Variants in PLXNA2 observed in about 807,000 individuals in gnomAD.
PLXNA2 encodes the protein plexin A2, also known as plexin-A2.
PLXNA2 carries 91 observed loss-of-function variants against 193.5 expected under a neutral mutation model. The observed-to-expected ratio is 0.47, with a 90% confidence interval of 0.40 to 0.56. The LOEUF (loss-of-function observed/expected upper bound fraction) is 0.56. Ranked by LOEUF, PLXNA2 falls within the 20% of genes least tolerant of loss-of-function variation. The pLI is 0.00. For synonymous variants in PLXNA2, 997 were observed against 1,027.3 expected (o/e 0.97, Z 0.56); for missense variants, 1,995 against 2,503.2 (o/e 0.80, Z 4.33).
At chr1:208,199,354 T>C (rs375803229) in intron 3 of PLXNA2, among the ~76,000 whole-genome samples, 1 of 152,200 alleles carries the variant, frequency 6.6e-6, no homozygotes, top group East Asian at 1.9e-4. Context: ...AGGAAATGCC[T>C]GCATGCTAGA....
intron 15 of PLXNA2, 108 bp from the exon 16 acceptor site, chr1:208,051,531 G>A (rs2102335256): frequency 1.3e-6 from 1 of 778,918 alleles, no homozygotes. Context: ...CCACAGAAGT[G>A]TTCTCTCATC....
intron 1 of PLXNA2, among the ~76,000 whole-genome samples, chr1:208,227,258 C>CTAT (rs1432042861): frequency 6.6e-6 from 1 of 152,154 alleles, no homozygotes; most frequent in Non-Finnish European, 1.5e-5. Context: ...AGAGTAGCTA[C>CTAT]TATTATTATT....
intron 3 of PLXNA2, among the ~76,000 whole-genome samples, chr1:208,183,104 G>A (rs557979095): frequency 6.6e-5 from 10 of 152,206 alleles, no homozygotes; most frequent in African/African-American, 9.6e-5. Context: ...CCTTCGTCTA[G>A]GGGAGAGGTC....
intron 3 of PLXNA2, among the ~76,000 whole-genome samples, chr1:208,162,289 T>C (rs1249023303): frequency 1.3e-5 from 2 of 152,188 alleles, no homozygotes; most frequent in Non-Finnish European, 2.9e-5. Context: ...ACACTGACCA[T>C]CTGTTCTTCT....
intron 9 of PLXNA2, among the ~76,000 whole-genome samples, chr1:208,088,233 G>A (rs1017507724): frequency 6.6e-6 from 1 of 152,204 alleles, no homozygotes; most frequent in Non-Finnish European, 1.5e-5. Flanking sequence ...TGCAGGGAGA[G>A]CAGGGACCTG....
chr1:208,027,503 C>T (rs542924750), intron 31 of PLXNA2, among the ~76,000 whole-genome samples, 165 bp from the exon 32 acceptor site: 1 of 152,262 alleles, frequency 6.6e-6, no homozygotes, highest in East Asian at 1.9e-4. Flanking sequence ...TGCACACACA[C>T]CTATATATAT....
intron 13 of PLXNA2, among the ~76,000 whole-genome samples, chr1:208,055,235 C>A (rs1033718675): frequency 6.6e-6 from 1 of 152,144 alleles, no homozygotes; most frequent in South Asian, 2.1e-4. Flanking sequence ...GCGAAAGTCA[C>A]GTCTCACACT....
rs1664438625 is a variant in PLXNA2 at position 208,029,541 on chromosome 1, A to AGGGCT, written c.5226-504_5226-500dup. On this transcript the variant is annotated intron_variant, in intron 29 of 31. Coordinates refer to ENST00000367033, the MANE Select transcript of PLXNA2 (RefSeq NM_025179.4). ...AGCCCGGCTGCCCAAGCTACTTCCCAGGGCTGGCCTGGCCTGGCTGGGCCG... is the reference window on the plus strand; with the variant it reads ...AGCCCGGCTGCCCAAGCTACTTCCCAGGGCTGGGCTGGCCTGGCCTGGCTGGGCCG... The AGGGCT allele has an allele frequency of 8.0e-6, 8 of 994,978 alleles. No homozygotes were observed. In the South Asian group the frequency reaches 3.2e-4, roughly 39 times the overall value. The allele number at this position is 994,978 out of a possible 1,614,324, so 61.6% of individuals were successfully genotyped here.
rs959549648 is a variant in PLXNA2 at position 208,236,886 on chromosome 1, G to A, written c.-81+6757C>T. Among the ~76,000 whole-genome samples the A allele has an allele frequency of 6.6e-6, 1 of 152,220 alleles. No individual in the cohort carries two copies. Among genetic ancestry groups the A allele is most frequent in the Non-Finnish European group, 1.5e-5 (1 of 68,050 alleles). On this transcript the variant is annotated intron_variant, in intron 1 of 31. Transcript: ENST00000367033. The surrounding 1 kb of genome is among the most constrained non-coding windows in gnomAD (Gnocchi z 4.4). The stretch of plus-strand genomic sequence containing the variant: ...ATCTCCAAGGTTTCACAGGCCTCTT[G>A]AAGCCCAAGTATGGCCCTAGCTCTG...
chr1:208,055,236 G>A (rs956318852), intron 13 of PLXNA2, among the ~76,000 whole-genome samples: 11 of 152,276 alleles, frequency 7.2e-5, no homozygotes, highest in East Asian at 5.8e-4. Flanking sequence ...CGAAAGTCAC[G>A]TCTCACACTA....
intron 3 of PLXNA2, among the ~76,000 whole-genome samples, chr1:208,195,988 C>T (rs1670344966): frequency 6.6e-6 from 1 of 151,896 alleles, no homozygotes; most frequent in Non-Finnish European, 1.5e-5. Context: ...CATTATATGG[C>T]CTCATGGGGG....
intron 3 of PLXNA2, among the ~76,000 whole-genome samples, chr1:208,185,571 G>A (rs760849627): frequency 5.3e-5 from 8 of 151,644 alleles, no homozygotes; most frequent in Non-Finnish European, 8.8e-5. Context: ...AAGCTCCCTT[G>A]AATCTTGCTT....
chr1:208,201,858 C>A (rs752345410), intron 3 of PLXNA2, among the ~76,000 whole-genome samples: 7 of 152,064 alleles, frequency 4.6e-5, no homozygotes, highest in Non-Finnish European at 1.0e-4. Context: ...TGAATTATTT[C>A]TTTATGATCT....
In PLXNA2 at chr1:208,200,726, G is replaced by T. The variant is rs137988494; in HGVS notation, c.1371+9554C>A. 5.6e-3 allele frequency among the ~76,000 whole-genome samples: 854 copies of T among 151,812 alleles called. 8 individuals are homozygous for T. The highest frequency in any genetic ancestry group is 0.019 in the African/African-American group (791 of 41,400). On this transcript the variant is annotated intron_variant, in intron 3 of 31. Transcript: ENST00000367033. ...CCTGCCTCCTGCCTCAGCCTCCTTA[G>T]TAGCTGGGATTGCAGGCATCCGCCA...
At chr1:208,055,903 T>C (rs1419755661) in intron 13 of PLXNA2, among the ~76,000 whole-genome samples, 1 of 152,266 alleles carries the variant, frequency 6.6e-6, no homozygotes, top group Admixed American at 6.5e-5. Flanking sequence ...CGTTTTAGCA[T>C]ATTAGATTCA....
chr1:208,092,324 C>T (rs1666742237), intron 9 of PLXNA2, among the ~76,000 whole-genome samples: 1 of 152,198 alleles, frequency 6.6e-6, no homozygotes. Flanking sequence ...CCCAGTTATA[C>T]ATCAGAGTCA....
At chr1:208,173,401 CTATA>C (rs2102534186) in intron 3 of PLXNA2, among the ~76,000 whole-genome samples, 1 of 152,322 alleles carries the variant, frequency 6.6e-6, no homozygotes, top group Admixed American at 6.5e-5. Context: ...TGAGTGCTTA[CTATA>C]TATGAATATA....
intron 10 of PLXNA2, 128 bp downstream of exon 10, chr1:208,084,252 C>T: frequency 1.0e-6 from 1 of 971,722 alleles, no homozygotes; most frequent in Non-Finnish European, 1.5e-6. Context: ...GCTCCTGCAT[C>T]CCTGGGGATG....
chr1:208,081,992 AG>A (rs1666359595), intron 11 of PLXNA2, among the ~76,000 whole-genome samples: 1 of 152,092 alleles, frequency 6.6e-6, no homozygotes, highest in Admixed American at 6.5e-5. Context: ...CGCCCACCTC[AG>A]GAACTGGAGA....
Sources: gnomAD v4.1 joint callset for allele counts (sites outside exome capture counted in the v4.1 genomes callset) on GRCh38, gnomAD v4.1.1 for gene constraint, Gnocchi (gnomAD v3.1) non-coding constraint, MANE v1.5 for transcripts, NCBI Gene and HGNC (gene_info 2026-07-23, HGNC 2026-07-21) for gene names.